The following MAP4K5 variants were observed in gnomAD, a reference collection of about 807,000 sequenced individuals.
MAP4K5 encodes the protein MAPK/ERK kinase kinase kinase 5.
A neutral mutation model predicts 135.6 loss-of-function variants in MAP4K5; 82 were observed. The ratio of observed to expected loss-of-function variants is 0.60; its 90% confidence interval spans 0.51 to 0.73. The LOEUF (loss-of-function observed/expected upper bound fraction) is 0.73. Among genes scored for constraint, MAP4K5 ranks in the 30% least tolerant of loss-of-function variants. The pLI, the probability that MAP4K5 is intolerant of heterozygous loss-of-function variation, is 0.00. For synonymous variants in MAP4K5, 347 were observed against 335.0 expected (o/e 1.04, Z -0.39); for missense variants, 907 against 1,010.9 (o/e 0.90, Z 1.39).
chr14:50,466,625 T>C lies in MAP4K5; in HGVS notation c.695A>G (p.Lys232Arg), dbSNP rs2036840592. ...TAGTTTTGGAGGCTGAAAATTACTT[T>C]TTGACATTAAGAAGAGAGCCCTGAA... The part of the protein sequence containing the change: ...HPMRALFLMS[K>R]SNFQPPKLKD... The change falls in exon 11 of 33, where the codon AAA (lysine) becomes AGA (arginine). Residue 232 changes from lysine (K) to arginine (R), a missense_variant. This residue lies in a region of MAP4K5 where 690 missense variants were observed against 777.4 expected (regional missense o/e 0.89). Coordinates refer to ENST00000682126, the MANE Select transcript of MAP4K5 (RefSeq NM_006575.6). 16 of 1,455,038 alleles carry C rather than the reference T, an allele frequency of 1.1e-5. No individual in the cohort carries two copies. Among genetic ancestry groups the C allele is most frequent in the Non-Finnish European group, 1.5e-5 (16 of 1,060,138 alleles). 90.1% of individuals were successfully genotyped at this position (1,455,038 alleles called of 1,614,324 possible).
At position 50,475,265 on chromosome 14, in the gene MAP4K5, C is replaced by T. The variant is rs1052871277; in HGVS notation, c.470-116G>A. 5.5e-5 allele frequency: 41 copies of T among 751,996 alleles called. 2 individuals are homozygous for T. The highest frequency in any genetic ancestry group is 4.1e-4 in the South Asian group (25 of 60,354). The allele number at this position is 751,996 out of a possible 1,614,324, so 46.6% of individuals were successfully genotyped here. A position where few individuals can be genotyped will look rare whatever the true frequency, so the allele number is the denominator to read the frequency against. On this transcript the variant is annotated intron_variant, in intron 8 of 32. Transcript: ENST00000682126. ...TTCAAATATTAATGTTAGAAAAATG[C>T]GCATAAATTGAATACCTAAATCTCT...
chr14:50,420,230 C>T (rs925715953), intron 32 of MAP4K5, 124 bp from the exon 33 acceptor site: 16 of 670,604 alleles, frequency 2.4e-5, no homozygotes, highest in Admixed American at 1.4e-4. Flanking sequence ...GGATCACAGA[C>T]GCACAATCAA....
Position 50,420,087 on chromosome 14 carries a change from T to C in MAP4K5, c.2473A>G (p.Arg825Gly). The change falls in exon 33 of 33, where the codon AGG becomes GGG. Residue 825 changes from arginine to glycine, a missense_variant. Arg to Gly is a moderately radical substitution (Grantham distance 125). Transcript: ENST00000682126. ...TGTGCAGTAGGATTTTCTGTTGGCC[T>C]ACTTTCCAAAACGACAACCCTGTAA... ...GSDRVVVLES[R>G]PTENPTAHSN... 1 of 1,609,638 alleles carries C rather than the reference T, an allele frequency of 6.2e-7. No individual in the cohort carries two copies. The highest frequency in any genetic ancestry group is 8.5e-7 in the Non-Finnish European group (1 of 1,177,634).
chr14:50,434,524 C>T lies in MAP4K5; in HGVS notation c.2034G>A (p.Leu678=), dbSNP rs1595430482. ...LPSPLNVFEM[L]VIPEQEYPMV... ...TAGGGTATTCCTGTTCAGGTATCACCAGCATTTCAAAAACATTCAAAGGAC... is the reference window on the plus strand; with the variant it reads ...TAGGGTATTCCTGTTCAGGTATCACTAGCATTTCAAAAACATTCAAAGGAC... The change falls in exon 28 of 33, where the codon CTG becomes CTA. Residue 678 remains leucine, a synonymous_variant. Coordinates refer to ENST00000682126, the MANE Select transcript of MAP4K5 (RefSeq NM_006575.6). 1 of 1,603,876 alleles carries T rather than the reference C, an allele frequency of 6.2e-7. No homozygotes were observed. Among genetic ancestry groups the T allele is most frequent in the Non-Finnish European group, 8.5e-7 (1 of 1,174,954 alleles).
At chr14:50,457,048 C>T (rs777347306) in intron 13 of MAP4K5, among the ~76,000 whole-genome samples, 1 of 152,098 alleles carries the variant, frequency 6.6e-6, no homozygotes, top group East Asian at 1.9e-4. Context: ...GCATTTTAGA[C>T]AGCAGAAAGA....
chr14:50,543,544 C>T (rs1205731540), intron 1 of MAP4K5, among the ~76,000 whole-genome samples: 1 of 152,138 alleles, frequency 6.6e-6, no homozygotes, highest in Non-Finnish European at 1.5e-5. Context: ...AGTGTGGCAG[C>T]AGAGTCATGC....
rs542513790 is a variant in MAP4K5 at position 50,553,901 on chromosome 14, T to C, written c.-180+7139A>G. Among the ~76,000 whole-genome samples, 5 of 152,178 alleles carry C rather than the reference T, an allele frequency of 3.3e-5. No homozygotes were observed. In the East Asian group the frequency reaches 9.7e-4, roughly 29 times the overall value. ...TCACTTAAAAGTGAGAGTTAAGCTA[T>C]GAGGATGCAAAGGCATAAGAATGAT... On this transcript the variant is annotated intron_variant, in intron 1 of 8. Coordinates refer to the MAP4K5 transcript ENST00000555216.
At chr14:50,497,038 G>A (rs1384806119) in intron 3 of MAP4K5, among the ~76,000 whole-genome samples, 22 of 152,030 alleles carry the variant, frequency 1.4e-4, no homozygotes, top group African/African-American at 4.8e-5. Flanking sequence ...TTATCAAAAC[G>A]AAAACTAATT....
chr14:50,529,811 G>A (rs2038347902), intron 2 of MAP4K5, among the ~76,000 whole-genome samples: 1 of 152,148 alleles, frequency 6.6e-6, no homozygotes, highest in African/African-American at 2.4e-5. Context: ...AGGACCCAAA[G>A]ATGGGGAGAT....
intron 9 of MAP4K5, among the ~76,000 whole-genome samples, chr14:50,469,958 T>C (rs1412703536): frequency 2.6e-5 from 4 of 152,206 alleles, no homozygotes; most frequent in Non-Finnish European, 2.9e-5. Flanking sequence ...GCATATAAAG[T>C]ATGTATACTA....
At chr14:50,493,833 CA>C (rs1183634391) in intron 3 of MAP4K5, among the ~76,000 whole-genome samples, 5 of 151,684 alleles carry the variant, frequency 3.3e-5, no homozygotes, top group African/African-American at 1.2e-4. Flanking sequence ...ACTAAAAATA[CA>C]AAAATTAGCT....
Position 50,419,741 on chromosome 14 carries a change from T to G in MAP4K5, c.*278A>C, listed in dbSNP as rs1229182009. On this transcript the variant is annotated 3_prime_UTR_variant, in exon 33 of 33. Coordinates refer to ENST00000682126, the MANE Select transcript of MAP4K5 (RefSeq NM_006575.6). ...CATGGCACCCTTGTTACAAACATTG[T>G]TTTTTTTAAAAAAAGACTGTGTTTC... The G allele has an allele frequency of 1.3e-5, 4 of 300,884 alleles. No homozygotes were observed. In the East Asian group the frequency reaches 2.2e-4, roughly 16 times the overall value. The allele number at this position is 300,884 out of a possible 1,614,324, so 18.6% of individuals were successfully genotyped here.
chr14:50,470,580 A>C (rs2036935258), intron 9 of MAP4K5, among the ~76,000 whole-genome samples: 1 of 152,006 alleles, frequency 6.6e-6, no homozygotes, highest in African/African-American at 2.4e-5. Context: ...TATATGAAAA[A>C]ATATGGAAGA....
At chr14:50,499,363 A>C (rs2037659761) in intron 3 of MAP4K5, among the ~76,000 whole-genome samples, 1 of 152,162 alleles carries the variant, frequency 6.6e-6, no homozygotes, top group African/African-American at 2.4e-5. Flanking sequence ...CAAGGAATAG[A>C]AGCAGTATTG....
At chr14:50,460,347 T>C (rs2036685139) in intron 13 of MAP4K5, among the ~76,000 whole-genome samples, 2 of 152,310 alleles carry the variant, frequency 1.3e-5, no homozygotes, top group African/African-American at 4.8e-5. Context: ...CACGTGGTTT[T>C]GCATTTCGAG....
intron 2 of MAP4K5, among the ~76,000 whole-genome samples, chr14:50,516,740 T>C (rs2038041757): frequency 6.6e-6 from 1 of 152,210 alleles, no homozygotes; most frequent in Admixed American, 6.5e-5. Context: ...TAAAGGCTTT[T>C]CTGCGATAAG....
At chr14:50,439,875 AG>A in intron 23 of MAP4K5, 137 bp downstream of exon 23, 1 of 921,562 alleles carries the variant, frequency 1.1e-6, no homozygotes, top group Non-Finnish European at 1.5e-6. Context: ...CTAGGTGGGT[AG>A]CAAATATCCA....
chr14:50,423,140 G>C lies in MAP4K5; in HGVS notation c.2434C>G (p.Arg812Gly). ...TATTACCTGTCTGATCCTAATAAGCGGAAAACTCTTGTTTCATCTGAAATC... is the reference window on the plus strand; with the variant it reads ...TATTACCTGTCTGATCCTAATAAGCCGAAAACTCTTGTTTCATCTGAAATC... ...QEISDETRVF[R>G]LLGSDRVVVL... Residue 812 changes from arginine (R) to glycine (G), a missense_variant, in exon 32 of 33, where the codon CGC becomes GGC. Physicochemically the swap from Arg to Gly is moderately radical, Grantham distance 125. Transcript: ENST00000682126. 6.4e-7 allele frequency: 1 copy of C among 1,571,620 alleles called. No homozygotes were observed. Among genetic ancestry groups the C allele is most frequent in the Non-Finnish European group, 8.7e-7 (1 of 1,147,526 alleles).
intron 3 of MAP4K5, among the ~76,000 whole-genome samples, chr14:50,496,718 C>G (rs1039283848): frequency 6.6e-6 from 1 of 151,896 alleles, no homozygotes; most frequent in Non-Finnish European, 1.5e-5. Context: ...TCATGTTGCC[C>G]AGGCTGGTCT....
Sources: gnomAD v4.1 joint callset for allele counts (sites outside exome capture counted in the v4.1 genomes callset) on GRCh38, gnomAD v4.1.1 for gene constraint, gnomAD v4.1.1 regional missense constraint, MANE v1.5 for transcripts, NCBI Gene and HGNC (gene_info 2026-07-23, HGNC 2026-07-21) for gene names.